The following PATJ variants were observed in gnomAD, a reference collection of about 807,000 sequenced individuals.
The protein encoded by PATJ is inaD-like protein.
PATJ carries 190 observed loss-of-function variants against 224.9 expected under a neutral mutation model. That is an observed-to-expected ratio of 0.84 (90% CI 0.75 to 0.95). PATJ has a LOEUF of 0.95. PATJ is among the 40% of genes least tolerant of loss of function. The pLI, the probability that PATJ is intolerant of heterozygous loss-of-function variation, is 0.00. For synonymous variants in PATJ, 769 were observed against 820.3 expected (o/e 0.94, Z 1.07); for missense variants, 2,121 against 2,270.3 (o/e 0.93, Z 1.34).
intron 3 of PATJ, among the ~76,000 whole-genome samples, chr1:61,764,605 A>C (rs1646156415): frequency 1.3e-5 from 2 of 152,180 alleles, no homozygotes; most frequent in African/African-American, 4.8e-5. Context: ...AATTGGAGCT[A>C]ATTTAGCACA....
intron 16 of PATJ, among the ~76,000 whole-genome samples, chr1:61,828,677 C>T (rs929502492): frequency 4.6e-5 from 7 of 152,168 alleles, no homozygotes; most frequent in Admixed American, 1.3e-4. Flanking sequence ...TAGGTGTGAG[C>T]GACTGTACCC....
At chr1:62,128,262 C>G in intron 40 of PATJ, 168 bp downstream of exon 40, 1 of 595,394 alleles carries the variant, frequency 1.7e-6, no homozygotes, top group Non-Finnish European at 2.9e-6. Context: ...TCATTAGGTC[C>G]CCAGGCACAT....
At chr1:61,986,402 T>G (rs1644757614) in intron 27 of PATJ, among the ~76,000 whole-genome samples, 1 of 152,042 alleles carries the variant, frequency 6.6e-6, no homozygotes, top group Non-Finnish European at 1.5e-5. Flanking sequence ...TTTTTCTCTT[T>G]TAGTTCTGTA....
intron 7 of PATJ, among the ~76,000 whole-genome samples, chr1:61,785,764 T>A (rs1256211418): frequency 1.3e-5 from 2 of 152,184 alleles, no homozygotes; most frequent in Non-Finnish European, 2.9e-5. Flanking sequence ...GAACAGATAC[T>A]CATTTTGATA....
At chr1:62,133,906 C>A (rs1666530216) in intron 41 of PATJ, among the ~76,000 whole-genome samples, 1 of 151,980 alleles carries the variant, frequency 6.6e-6, no homozygotes, top group South Asian at 2.1e-4. Flanking sequence ...ACCACCATGC[C>A]CGGCTAATTT....
intron 39 of PATJ, among the ~76,000 whole-genome samples, chr1:62,127,417 AT>A (rs35360255): frequency 0.039 from 5,703 of 146,206 alleles, 179 homozygotes; most frequent in African/African-American, 0.088. Context: ...TTGGTAAGGA[AT>A]TTTTTTTTTT....
chr1:62,074,213 G>A (rs200900984), intron 31 of PATJ, among the ~76,000 whole-genome samples: 1 of 136,730 alleles, frequency 7.3e-6, no homozygotes, highest in Non-Finnish European at 1.5e-5. Flanking sequence ...AAAAAATAGT[G>A]GGGGGAGGGG....
chr1:62,067,092 G>A (rs1195075974), intron 31 of PATJ, among the ~76,000 whole-genome samples: 3 of 148,654 alleles, frequency 2.0e-5, no homozygotes, highest in Non-Finnish European at 4.5e-5. Flanking sequence ...TTAGCAAAGA[G>A]TTCAGGCCCC....
intron 16 of PATJ, among the ~76,000 whole-genome samples, chr1:61,832,053 C>A (rs1007171833): frequency 1.4e-4 from 21 of 152,150 alleles, no homozygotes; most frequent in African/African-American, 4.8e-4. Context: ...AGGCCATTAT[C>A]CTAAGCAAAT....
At chr1:61,911,762 C>G (rs1672691871) in intron 25 of PATJ, among the ~76,000 whole-genome samples, 1 of 146,490 alleles carries the variant, frequency 6.8e-6, no homozygotes, top group Admixed American at 6.8e-5. Flanking sequence ...GTCAGGGAGG[C>G]AAAGTGTTTT....
chr1:61,805,449 A>G lies in PATJ; in HGVS notation c.1551A>G (p.Glu517=), dbSNP rs924706985. The part of the protein sequence containing the change: ...NDNIQALEKL[E]KVPDSPENEL... ...TCTCTCTTTTTTTTTAATATCCAGA[A>G]AAAGTCCCAGACTCTCCAGAAAATG... The change falls in exon 13 of 44, where the codon GAA becomes GAG. Residue 517 remains glutamate, a splice_region_variant and synonymous_variant. Coordinates refer to ENST00000642238, the MANE Select transcript of PATJ (RefSeq NM_001350145.3). 2 of 1,596,582 alleles carry G rather than the reference A, an allele frequency of 1.3e-6. No individual in the cohort carries two copies. The highest frequency in any genetic ancestry group is 1.3e-5 in the African/African-American group (1 of 74,522).
At chr1:62,101,887 A>G (rs1662221879) in intron 33 of PATJ, among the ~76,000 whole-genome samples, 1 of 152,182 alleles carries the variant, frequency 6.6e-6, no homozygotes, top group Non-Finnish European at 1.5e-5. Flanking sequence ...GAATAATTTT[A>G]AAGTATCCAG....
At chr1:61,834,497 A>G (rs959662019) in intron 17 of PATJ, among the ~76,000 whole-genome samples, 7 of 152,194 alleles carry the variant, frequency 4.6e-5, no homozygotes, top group African/African-American at 1.7e-4. Context: ...AGTTACTGTC[A>G]TATATTCAGA....
chr1:61,898,513 C>T (rs150256636), intron 22 of PATJ, among the ~76,000 whole-genome samples: 1 of 152,128 alleles, frequency 6.6e-6, no homozygotes, highest in East Asian at 1.9e-4. Context: ...ACTGGGATTA[C>T]AGCCATGAGC....
chr1:62,032,173 A>G (rs990008673), intron 29 of PATJ, among the ~76,000 whole-genome samples: 3 of 151,980 alleles, frequency 2.0e-5, no homozygotes, highest in African/African-American at 7.2e-5. Context: ...TTGGGGGAAA[A>G]GTTGCTTCCA....
intron 20 of PATJ, 99 bp from the exon 21 acceptor site, chr1:61,875,144 C>A: frequency 1.5e-6 from 1 of 684,106 alleles, no homozygotes; most frequent in Non-Finnish European, 2.4e-6. Context: ...GTTTGCAAGG[C>A]CAGTTTTCCA....
At chr1:62,091,378 T>C (rs1196797649) in intron 33 of PATJ, among the ~76,000 whole-genome samples, 3 of 152,238 alleles carry the variant, frequency 2.0e-5, no homozygotes, top group Admixed American at 6.5e-5. Context: ...GCTTCTTCAT[T>C]TGTGCCACTG....
chr1:61,823,502 C>G (rs1483867761), intron 15 of PATJ, among the ~76,000 whole-genome samples: 1 of 152,232 alleles, frequency 6.6e-6, no homozygotes, highest in Non-Finnish European at 1.5e-5. Flanking sequence ...ATGGCAGCCT[C>G]TATTGGGCTT....
intron 28 of PATJ, among the ~76,000 whole-genome samples, chr1:62,004,296 A>G (rs1469186577): frequency 1.3e-5 from 2 of 152,220 alleles, no homozygotes; most frequent in Admixed American, 6.5e-5. Context: ...CTATGATGAC[A>G]ATGGTAATGA....
Sources: gnomAD v4.1 joint callset for allele counts (sites outside exome capture counted in the v4.1 genomes callset) on GRCh38, gnomAD v4.1.1 for gene constraint, MANE v1.5 for transcripts, NCBI Gene and HGNC (gene_info 2026-07-23, HGNC 2026-07-21) for gene names.